Variants in AP3B2 observed in about 807,000 individuals in gnomAD.
AP3B2 encodes adaptor related protein complex 3 subunit beta 2.
In AP3B2, 50 loss-of-function variants were observed where a neutral mutation model predicts 126.9. The ratio of observed to expected loss-of-function variants is 0.39; its 90% CI spans 0.31 to 0.50. AP3B2 has a LOEUF of 0.50. Among genes scored for constraint, AP3B2 ranks in the 20% least tolerant of loss-of-function variants. The pLI is 0.79. For missense variants in AP3B2, 1,177 were observed against 1,426.4 expected, an observed-to-expected ratio of 0.83 and a Z score of 2.82; for synonymous variants, 541 against 565.0, an observed-to-expected ratio of 0.96 and a Z score of 0.60.
chr15:82,691,819 A>T, intron 1 of AP3B2: 2 of 1,415,928 alleles, frequency 1.4e-6, no homozygotes, highest in Non-Finnish European at 2.0e-6. Context: ...GTGAGTAGCC[A>T]TAGCTGGTGC....
Position 82,662,123 on chromosome 15 carries a change from C to T in AP3B2, c.2918+45G>A, listed in dbSNP as rs774338930. ...TTTCCAGTTCATTGTTACCCTGTCC[C>T]TTTCCAGCCCATCCTCTCACCCCCA... On this transcript the variant is annotated intron_variant, in intron 24 of 26. Transcript: ENST00000535359. The T allele has an allele frequency of 3.1e-5, 47 of 1,529,926 alleles. No homozygotes were observed. In the Admixed American group the frequency reaches 8.8e-4, roughly 29 times the overall value. 94.8% of individuals were successfully genotyped at this position (1,529,926 alleles called of 1,614,324 possible).
rs532563843 is a variant in AP3B2 at position 82,680,011 on chromosome 15, T to C, written c.1110+164A>G. On this transcript the variant is annotated intron_variant, in intron 9 of 26. Coordinates refer to ENST00000535359, the MANE Select transcript of AP3B2 (RefSeq NM_001278512.2). This position sits in a 1 kb window ranked among gnomAD's most constrained non-coding sequence, Gnocchi z 6.1. ...CAGCGGCCCCTCAGGATCCAGGCCC[T>C]GCTCCCTATCTGTATTTGGAGCCTC... Among the ~76,000 whole-genome samples, 1 of 152,252 alleles carries C rather than the reference T, an allele frequency of 6.6e-6. No homozygotes were observed. The highest frequency in any genetic ancestry group is 1.9e-4 in the East Asian group (1 of 5,164).
chr15:82,692,185 C>A (rs1052369106), intron 1 of AP3B2: 30 of 1,454,470 alleles, frequency 2.1e-5, no homozygotes, highest in Non-Finnish European at 2.7e-5. Context: ...TAAATAGCAT[C>A]CTCTGCATCT....
intron 1 of AP3B2, among the ~76,000 whole-genome samples, chr15:82,709,178 G>A (rs1368979157): frequency 1.3e-5 from 2 of 152,150 alleles, no homozygotes; most frequent in African/African-American, 4.8e-5. Context: ...TCCAGGGCCC[G>A]CCTTCCTGAA....
intron 4 of AP3B2, among the ~76,000 whole-genome samples, chr15:82,684,714 ACCCCTGGTCTCAAGTGAT>A (rs2151445096): frequency 6.6e-6 from 1 of 152,130 alleles, no homozygotes; most frequent in South Asian, 2.1e-4. Flanking sequence ...ACGGTCTTGA[ACCCCTGGTCTCAAGTGAT>A]CCTCCTGCCT....
At chr15:82,662,121 C>T (rs72753906) in intron 24 of AP3B2, 47 bp downstream of exon 24, 43,576 of 1,515,408 alleles carry the variant, frequency 0.029, 779 homozygotes, top group Middle Eastern at 0.05. Flanking sequence ...GTTACCCTGT[C>T]CCTTTCCAGC....
chr15:82,674,215 T>A (rs2048206081), intron 14 of AP3B2, among the ~76,000 whole-genome samples: 1 of 152,164 alleles, frequency 6.6e-6, no homozygotes, highest in Non-Finnish European at 1.5e-5. Flanking sequence ...TTGCCACTCA[T>A]GGTCCCAGGA....
rs559558137 is a variant in AP3B2 at position 82,690,913 on chromosome 15, C to T, written c.114-1460G>A. 8.0e-4 allele frequency among the ~76,000 whole-genome samples: 74 copies of T among 92,580 alleles called. 1 individual carries two copies. In the South Asian group the frequency reaches 0.019, roughly 24 times the overall value. The allele number at this position is 92,580 out of a possible 152,430, so 60.7% of individuals were successfully genotyped here. A position where few individuals can be genotyped will look rare whatever the true frequency, so the allele number is the denominator to read the frequency against. On this transcript the variant is annotated intron_variant, in intron 1 of 26. Coordinates refer to ENST00000535359, the MANE Select transcript of AP3B2 (RefSeq NM_001278512.2). ...CCTCGTGATCTACCCGTCTTGGCCT[C>T]CCAAAGTGCTGGGATTACAGGCATG...
In AP3B2 at chr15:82,681,292, G is replaced by A; in HGVS notation, c.522-114C>T. The A allele has an allele frequency of 6.6e-7, 1 of 1,518,126 alleles. No homozygotes were observed. The highest frequency in any genetic ancestry group is 1.2e-5 in the South Asian group (1 of 81,610). 94.0% of individuals were successfully genotyped at this position (1,518,126 alleles called of 1,614,324 possible). A position where few individuals can be genotyped will look rare whatever the true frequency, so the allele number is the denominator to read the frequency against. ...AGCCTTATTGTTCTCCTCCATCTCT[G>A]TCAGTCCCCCAAACTACCCTCCTCA... is the stretch of plus-strand genomic sequence containing the variant. On this transcript the variant is annotated intron_variant, in intron 5 of 26. Transcript: ENST00000535359. The surrounding 1 kb of genome is among the most constrained non-coding windows in gnomAD (Gnocchi z 4.0).
chr15:82,697,289 G>A (rs546557765), intron 1 of AP3B2, among the ~76,000 whole-genome samples: 3 of 152,060 alleles, frequency 2.0e-5, no homozygotes, highest in South Asian at 2.1e-4. Flanking sequence ...AGCCAAGATC[G>A]CGCCACTGCA....
At chr15:82,679,852 C>T (rs2048303837) in intron 9 of AP3B2, 52 bp from the exon 10 acceptor site, 6 of 1,541,920 alleles carry the variant, frequency 3.9e-6, no homozygotes, top group East Asian at 2.3e-5. Flanking sequence ...AGGCCTGCCT[C>T]GCTGCCCAGA....
At position 82,680,095 on chromosome 15, in the gene AP3B2, G is replaced by A. The variant is rs2048308682; in HGVS notation, c.1110+80C>T. The A allele has an allele frequency of 3.8e-6, 6 of 1,576,572 alleles. No individual in the cohort carries two copies. The Admixed American group carries it at 5.2e-5, about 14-fold the overall frequency. On this transcript the variant is annotated intron_variant, in intron 9 of 26. Transcript: ENST00000535359. This position sits in a 1 kb window ranked among gnomAD's most constrained non-coding sequence, Gnocchi z 6.1. ...CTCCATCTTCCCTTTCCCCGGCCCC[G>A]GTCCCAGCCCCGACAACGCCTCCAG...
intron 1 of AP3B2, among the ~76,000 whole-genome samples, chr15:82,702,031 C>A (rs191106470): frequency 6.6e-6 from 1 of 152,310 alleles, no homozygotes; most frequent in East Asian, 1.9e-4. Context: ...CCTTGAAACA[C>A]TTTCCACTGT....
chr15:82,702,586 G>A (rs1466644888), intron 1 of AP3B2, among the ~76,000 whole-genome samples: 1 of 144,670 alleles, frequency 6.9e-6, no homozygotes, highest in South Asian at 2.2e-4. Context: ...CCCCGCCCCT[G>A]CCCACCAAGG....
chr15:82,694,628 T>A (rs1435577508), intron 1 of AP3B2, among the ~76,000 whole-genome samples: 1 of 151,264 alleles, frequency 6.6e-6, no homozygotes, highest in Non-Finnish European at 1.5e-5. Flanking sequence ...GAGGCTGCAG[T>A]GAGCTATGAT....
intron 23 of AP3B2, 47 bp downstream of exon 23, chr15:82,662,647 C>T: frequency 6.5e-7 from 1 of 1,534,740 alleles, no homozygotes; most frequent in Non-Finnish European, 8.9e-7. Context: ...GAAAGACTGA[C>T]TCTGCCCAGG....
Position 82,664,341 on chromosome 15 carries a change from AG to A in AP3B2, c.2261+25del, listed in dbSNP as rs764310184. On this transcript the variant is annotated intron_variant, in intron 19 of 26. Coordinates refer to ENST00000535359, the MANE Select transcript of AP3B2 (RefSeq NM_001278512.2). This position sits in a 1 kb window ranked among gnomAD's most constrained non-coding sequence, Gnocchi z 4.5. ...CCAGGAAAGCCCCCTGAACCCCACCAGCCATCTGGCTAGCTCCCTTCTCACC... is the reference window on the plus strand; with the variant it reads ...CCAGGAAAGCCCCCTGAACCCCACCACCATCTGGCTAGCTCCCTTCTCACC... 1 of 1,613,500 alleles carries A rather than the reference AG, an allele frequency of 6.2e-7. No individual in the cohort carries two copies. Among genetic ancestry groups the A allele is most frequent in the Admixed American group, 1.7e-5 (1 of 60,012 alleles).
At chr15:82,662,144 C>A (rs1367973825) in intron 24 of AP3B2, 24 bp downstream of exon 24, 2 of 1,574,674 alleles carry the variant, frequency 1.3e-6, no homozygotes, top group Non-Finnish European at 1.7e-6. Context: ...ATCCTCTCAC[C>A]CCCACCTCGA....
In AP3B2 at chr15:82,677,530, T is replaced by C. The variant is rs973685784; in HGVS notation, c.1378+141A>G. The C allele has an allele frequency of 5.8e-6, 8 of 1,384,202 alleles. No individual in the cohort carries two copies. The South Asian group carries it at 7.1e-5, about 12-fold the overall frequency. 85.7% of individuals were successfully genotyped at this position (1,384,202 alleles called of 1,614,324 possible). On this transcript the variant is annotated intron_variant, in intron 12 of 26. Coordinates refer to ENST00000535359, the MANE Select transcript of AP3B2 (RefSeq NM_001278512.2). ...GCAGCCCTCAGAGGTGTAGGAACAC[T>C]TGGGCCCTGATCAAGACAGACAGAC...
Sources: allele counts gnomAD v4.1 joint callset (sites outside exome capture counted in the v4.1 genomes callset), GRCh38; gene constraint gnomAD v4.1.1; non-coding constraint Gnocchi (gnomAD v3.1); transcripts MANE v1.5; gene names NCBI Gene and HGNC (gene_info 2026-07-23, HGNC 2026-07-21).